The following MALRD1 variants were observed in gnomAD, a reference collection of about 807,000 sequenced individuals.
MALRD1 encodes the protein MAM and LDL receptor class A domain containing 1.
A neutral mutation model predicts 242.1 loss-of-function variants in MALRD1; 247 were observed. That is an observed-to-expected ratio of 1.02 (90% CI 0.92 to 1.13). The LOEUF (loss-of-function observed/expected upper bound fraction) is 1.13. Ranked by LOEUF, MALRD1 falls within the 50% of genes most tolerant of loss-of-function variation. MALRD1 has a pLI of 0.00. For missense variants in MALRD1, 2,989 were observed against 2,533.1 expected, an observed-to-expected ratio of 1.18 and a Z score of -3.86; for synonymous variants, 995 against 866.6, an observed-to-expected ratio of 1.15 and a Z score of -2.60.
At chr10:19,539,897 T>TGTGTGCGCGC (rs1365113182) in intron 32 of MALRD1, among the ~76,000 whole-genome samples, 4 of 44,436 alleles carry the variant, frequency 9.0e-5, no homozygotes, top group East Asian at 7.8e-4. Flanking sequence ...TGTGTGTGTG[T>TGTGTGCGCGC]GCGCGCGCGC....
At chr10:19,719,168 A>G (rs535792421) in intron 38 of MALRD1, among the ~76,000 whole-genome samples, 29 of 82,044 alleles carry the variant, frequency 3.5e-4, no homozygotes, top group African/African-American at 1.8e-3. Context: ...ATATATATAT[A>G]TACATACATA....
At chr10:19,398,473 T>G (rs762669819) in intron 28 of MALRD1, among the ~76,000 whole-genome samples, 5 of 152,284 alleles carry the variant, frequency 3.3e-5, no homozygotes, top group Non-Finnish European at 7.4e-5. Flanking sequence ...ATGATACTTT[T>G]GAGACAGCCA....
chr10:19,446,426 G>A (rs562287336), intron 28 of MALRD1, among the ~76,000 whole-genome samples: 1 of 152,168 alleles, frequency 6.6e-6, no homozygotes, highest in South Asian at 2.1e-4. Flanking sequence ...AAAAAGAGAG[G>A]TATTATTTAA....
At chr10:19,592,762 C>CGCGT (rs1554808906) in intron 33 of MALRD1, among the ~76,000 whole-genome samples, 2 of 99,292 alleles carry the variant, frequency 2.0e-5, no homozygotes, top group African/African-American at 3.3e-5. Flanking sequence ...CACACACACA[C>CGCGT]GCACGCACAC....
intron 38 of MALRD1, chr10:19,721,732 G>C (rs2131908769): frequency 6.6e-6 from 1 of 152,272 alleles, no homozygotes; most frequent in African/African-American, 2.4e-5. Flanking sequence ...CAGCCATATA[G>C]CTTTTTCAGC....
At chr10:19,724,642 A>C (rs193150486) in intron 38 of MALRD1, among the ~76,000 whole-genome samples, 5 of 152,200 alleles carry the variant, frequency 3.3e-5, no homozygotes, top group African/African-American at 1.2e-4. Context: ...TTTCCTATAC[A>C]CTAGCTTTAA....
chr10:19,063,196 C>G (rs554572076), intron 1 of MALRD1, among the ~76,000 whole-genome samples: 25 of 151,936 alleles, frequency 1.6e-4, no homozygotes, highest in Non-Finnish European at 2.2e-4. Flanking sequence ...AGTAATGAAA[C>G]AAGGGTAGGA....
intron 36 of MALRD1, among the ~76,000 whole-genome samples, chr10:19,625,218 A>C (rs183153253): frequency 4.7e-4 from 72 of 152,262 alleles, no homozygotes; most frequent in African/African-American, 1.6e-3. Context: ...ATCTGACTAG[A>C]CGGCTTATGA....
At chr10:19,255,332 T>G (rs1839460836) in intron 18 of MALRD1, among the ~76,000 whole-genome samples, 1 of 151,954 alleles carries the variant, frequency 6.6e-6, no homozygotes, top group South Asian at 2.1e-4. Context: ...ATAATGCTTG[T>G]GTTTTGATAA....
intron 6 of MALRD1, 116 bp downstream of exon 6, chr10:19,123,709 G>A (rs138616780): frequency 2.0e-6 from 1 of 501,322 alleles, no homozygotes; most frequent in Non-Finnish European, 3.1e-6. Flanking sequence ...CCTAGTTTTA[G>A]CTGGAGTGTT....
At chr10:19,358,599 A>C (rs1844750886) in intron 26 of MALRD1, among the ~76,000 whole-genome samples, 1 of 152,158 alleles carries the variant, frequency 6.6e-6, no homozygotes, top group Non-Finnish European at 1.5e-5. Flanking sequence ...ATGTCAGCTA[A>C]TCTACTTCAA....
Position 19,590,002 on chromosome 10 carries a change from C to T in MALRD1, c.5681-5192C>T, listed in dbSNP as rs559658552. Among the ~76,000 whole-genome samples, 4 of 152,240 alleles carry T rather than the reference C, an allele frequency of 2.6e-5. No individual in the cohort carries two copies. The South Asian group carries it at 8.3e-4, about 32-fold the overall frequency. ...CCTTATAACATTTCCCTTGCACGGT[C>T]ACTGGCCTTACACCTCAATGCCATT... On this transcript the variant is annotated intron_variant, in intron 33 of 39. Transcript: ENST00000454679.
chr10:19,634,507 G>T (rs1840040284), intron 36 of MALRD1, among the ~76,000 whole-genome samples: 1 of 152,090 alleles, frequency 6.6e-6, no homozygotes, highest in Non-Finnish European at 1.5e-5. Flanking sequence ...AGTGTAGCAG[G>T]TTTAAAGATC....
intron 28 of MALRD1, among the ~76,000 whole-genome samples, chr10:19,410,321 T>A (rs892050417): frequency 1.3e-5 from 2 of 152,186 alleles, no homozygotes; most frequent in Non-Finnish European, 2.9e-5. Flanking sequence ...TAGTATAGAT[T>A]TTTTATTCAC....
At chr10:19,288,645 C>T (rs1336250173) in intron 21 of MALRD1, among the ~76,000 whole-genome samples, 4 of 151,948 alleles carry the variant, frequency 2.6e-5, no homozygotes, top group Non-Finnish European at 5.9e-5. Context: ...AGTATCTTTC[C>T]CCTGTTTTGT....
chr10:19,252,523 T>G (rs1295918162), intron 18 of MALRD1, among the ~76,000 whole-genome samples: 1 of 152,066 alleles, frequency 6.6e-6, no homozygotes, highest in African/African-American at 2.4e-5. Context: ...CAACATAAAT[T>G]TTGTTATGAT....
intron 1 of MALRD1, among the ~76,000 whole-genome samples, chr10:19,059,603 G>A (rs193272263): frequency 2.4e-4 from 37 of 152,182 alleles, no homozygotes; most frequent in Middle Eastern, 3.4e-3. Context: ...TGTTGGCCAG[G>A]CTGGTCTTGA....
At chr10:19,704,124 C>T (rs1023270489) in intron 38 of MALRD1, among the ~76,000 whole-genome samples, 1 of 121,074 alleles carries the variant, frequency 8.3e-6, no homozygotes, top group African/African-American at 2.9e-5. Flanking sequence ...AGTTAAAAAT[C>T]AGAATTTTTT....
chr10:19,646,235 A>G (rs1017658316), intron 36 of MALRD1, among the ~76,000 whole-genome samples: 2 of 151,664 alleles, frequency 1.3e-5, no homozygotes, highest in Non-Finnish European at 1.5e-5. Flanking sequence ...TAATAGGAAA[A>G]CTCTCTACAC....
Sources: gnomAD v4.1 joint callset for allele counts (sites outside exome capture counted in the v4.1 genomes callset) on GRCh38, gnomAD v4.1.1 for gene constraint, MANE v1.5 for transcripts, NCBI Gene and HGNC (gene_info 2026-07-23, HGNC 2026-07-21) for gene names.